DPP4: variants seen among roughly 807,000 people sequenced by gnomAD.
The protein encoded by DPP4 is ADCP-2.
Under a neutral mutation model 122.4 loss-of-function variants are expected in DPP4, and 93 were observed. The observed-to-expected ratio is 0.76, with a 90% confidence interval of 0.64 to 0.90. The LOEUF is 0.90. Ranked by LOEUF, DPP4 falls within the 40% of genes least tolerant of loss-of-function variation. DPP4 has a pLI of 0.00. For synonymous variants in DPP4, 321 were observed against 302.9 expected (o/e 1.06, Z -0.62); for missense variants, 914 against 907.3 (o/e 1.01, Z -0.09).
chr2:162,061,878 C>T (rs967520546), intron 2 of DPP4, among the ~76,000 whole-genome samples: 2 of 152,106 alleles, frequency 1.3e-5, no homozygotes, highest in African/African-American at 4.8e-5. Flanking sequence ...GTAAGCAATG[C>T]CATATGCTAG....
At chr2:161,999,915 C>T (rs1701101897) in intron 23 of DPP4, among the ~76,000 whole-genome samples, 1 of 152,052 alleles carries the variant, frequency 6.6e-6, no homozygotes, top group Admixed American at 6.6e-5. Context: ...TCTGATTATC[C>T]CATTATCCAG....
At position 162,017,088 on chromosome 2, in the gene DPP4, A is replaced by G. The variant is rs1682951953; in HGVS notation, c.1468+20T>C. 6.2e-7 allele frequency: 1 copy of G among 1,607,854 alleles called. No individual in the cohort carries two copies. On this transcript the variant is annotated intron_variant, in intron 17 of 25. Coordinates refer to ENST00000360534, the MANE Select transcript of DPP4 (RefSeq NM_001935.4). ...CACACTTTCTTAGAAACAAATGAAG[A>G]GTAAAATATGAGAAAATACCTTTAT...
At chr2:162,011,090 C>T (rs1015204584) in intron 20 of DPP4, among the ~76,000 whole-genome samples, 1 of 152,118 alleles carries the variant, frequency 6.6e-6, no homozygotes, top group African/African-American at 2.4e-5. Flanking sequence ...GGGGTAAGAA[C>T]ACCCACCTCT....
Position 161,993,334 on chromosome 2 carries a change from A to G in DPP4, c.2250T>C (p.His750=). The change falls in exon 26 of 26, where the codon CAT becomes CAC. Residue 750 remains histidine, a synonymous_variant. Transcript: ENST00000360534. ...HGIASSTAHQ[H]IYTHMSHFIK... ...TGAAGTGGCTCATGTGGGTATATAT[A>G]TGTTGGTGTGCTGTGCTGCTAGCTA... 2 of 1,613,770 alleles carry G rather than the reference A, an allele frequency of 1.2e-6. No individual in the cohort carries two copies. The highest frequency in any genetic ancestry group is 1.7e-6 in the Non-Finnish European group (2 of 1,179,802).
intron 2 of DPP4, among the ~76,000 whole-genome samples, chr2:162,048,475 T>A (rs1684264897): frequency 6.6e-6 from 1 of 152,062 alleles, no homozygotes; most frequent in South Asian, 2.1e-4. Context: ...AGGAACAAGA[T>A]TAACACTCCT....
intron 5 of DPP4, among the ~76,000 whole-genome samples, chr2:162,040,275 A>T (rs1473968869): frequency 6.6e-6 from 1 of 152,146 alleles, no homozygotes; most frequent in African/African-American, 2.4e-5. Flanking sequence ...TAGCAGCTTT[A>T]TTCATAACTG....
At chr2:162,020,454 C>A (rs1683083832) in intron 13 of DPP4, 127 bp downstream of exon 13, 1 of 966,424 alleles carries the variant, frequency 1.0e-6, no homozygotes, top group African/African-American at 1.7e-5. Flanking sequence ...CAATACACCA[C>A]TGAGGAGTTT....
At chr2:162,062,611 A>C (rs1684815156) in intron 2 of DPP4, among the ~76,000 whole-genome samples, 1 of 152,216 alleles carries the variant, frequency 6.6e-6, no homozygotes, top group African/African-American at 2.4e-5. Flanking sequence ...GTTGACTATA[A>C]GCCAGGGCTG....
Position 161,995,330 on chromosome 2 carries a change from CAACTT to C in DPP4, c.2090_2094del (p.Gln697ArgfsTer11). ...GCTGTTCCATGAATAAGGAGGTACT[CAACTT>C]GTTTAAAATTTTCAGCTCTGCTCAT... On this transcript the variant is annotated frameshift_variant, in exon 24 of 26. Transcript: ENST00000360534. LOFTEE classifies it high-confidence loss of function. 6.2e-7 allele frequency: 1 copy of C among 1,614,026 alleles called. No homozygotes were observed. Among genetic ancestry groups the C allele is most frequent in the Non-Finnish European group, 8.5e-7 (1 of 1,179,956 alleles).
intron 20 of DPP4, among the ~76,000 whole-genome samples, chr2:162,010,723 A>T (rs1682670167): frequency 6.6e-6 from 1 of 152,100 alleles, no homozygotes; most frequent in African/African-American, 2.4e-5. Flanking sequence ...TGTTTATTCT[A>T]AATCTCTATT....
At position 162,033,291 on chromosome 2, in the gene DPP4, A is replaced by C. The variant is rs1000470885; in HGVS notation, c.887+250T>G. On this transcript the variant is annotated intron_variant, in intron 10 of 25. Transcript: ENST00000360534. ...TATCTGGTTATTGTCTGTCTCCCCC[A>C]ATTTGAATGTAGGCTCCATAACACC... Among the ~76,000 whole-genome samples the C allele has an allele frequency of 1.8e-4, 28 of 152,140 alleles. 1 individual carries two copies. Among genetic ancestry groups the C allele is most frequent in the African/African-American group, 6.7e-4 (28 of 41,506 alleles).
At chr2:162,026,351 C>G (rs184909455) in intron 10 of DPP4, among the ~76,000 whole-genome samples, 2 of 152,202 alleles carry the variant, frequency 1.3e-5, no homozygotes, top group African/African-American at 4.8e-5. Context: ...AACCCCTTCA[C>G]TCAGCCGCAG....
rs1368772477 is a variant in DPP4 at position 162,020,672 on chromosome 2, G to A, written c.1085C>T (p.Pro362Leu). ...GCTATTACCATCAAGGGTAAAATGA[G>A]GTTCTGAAGGCCTAAACTAGAAAAT... ...GWVGRFRPSE[P>L]HFTLDGNSFY... Residue 362 changes from proline to leucine, a missense_variant, in exon 13 of 26, where the codon CCT (proline) becomes CTT (leucine). By Grantham distance (98) the Pro-to-Leu change is moderately conservative (BLOSUM62 -3). Transcript: ENST00000360534. 5 of 1,610,738 alleles carry A rather than the reference G, an allele frequency of 3.1e-6. No individual in the cohort carries two copies. The East Asian group carries it at 8.9e-5, about 29-fold the overall frequency.
At chr2:162,040,689 T>C (rs1347345841) in intron 5 of DPP4, among the ~76,000 whole-genome samples, 1 of 152,026 alleles carries the variant, frequency 6.6e-6, no homozygotes, top group East Asian at 1.9e-4. Context: ...ACCATAATGG[T>C]AGATACATGC....
chr2:161,993,434 TAAA>T (rs397977835), intron 25 of DPP4, 50 bp from the exon 26 acceptor site: 2 of 1,052,942 alleles, frequency 1.9e-6, no homozygotes, highest in Non-Finnish European at 1.4e-6. Flanking sequence ...GTACTCTTCT[TAAA>T]AAAAAAAATA....
intron 14 of DPP4, among the ~76,000 whole-genome samples, chr2:162,019,807 A>G (rs1683055696): frequency 6.6e-6 from 1 of 152,158 alleles, no homozygotes; most frequent in Admixed American, 6.5e-5. Flanking sequence ...CCCCTTTTCT[A>G]CCAACTCATA....
intron 5 of DPP4, among the ~76,000 whole-genome samples, chr2:162,039,994 G>A (rs955398779): frequency 6.6e-6 from 1 of 151,934 alleles, no homozygotes; most frequent in Non-Finnish European, 1.5e-5. Flanking sequence ...CTCCACAGAT[G>A]TTAAAAGATC....
chr2:162,011,712 T>C, intron 20 of DPP4, 81 bp downstream of exon 20: 2 of 1,404,878 alleles, frequency 1.4e-6, no homozygotes, highest in Middle Eastern at 1.9e-4. Flanking sequence ...TTAAATTATT[T>C]ACACTTTACA....
intron 2 of DPP4, among the ~76,000 whole-genome samples, chr2:162,050,364 C>T (rs945720195): frequency 2.1e-4 from 32 of 152,218 alleles, no homozygotes; most frequent in Middle Eastern, 3.4e-3. Flanking sequence ...ATCCACAATC[C>T]TCACATCTGT....
Sources: allele counts gnomAD v4.1 joint callset (sites outside exome capture counted in the v4.1 genomes callset), GRCh38; gene constraint gnomAD v4.1.1; transcripts MANE v1.5; gene names NCBI Gene and HGNC (gene_info 2026-07-23, HGNC 2026-07-21).